Variants in DMD observed in about 807,000 individuals in gnomAD.
The protein encoded by DMD is mutant dystrophin.
DMD carries 63 observed loss-of-function variants against 330.1 expected under a neutral mutation model. The observed-to-expected ratio is 0.19, with a 90% CI of 0.16 to 0.24. The LOEUF is 0.24. DMD is among the 10% of genes least tolerant of loss of function. The pLI, the probability that DMD is intolerant of heterozygous loss-of-function variation, is 1.00. For missense variants in DMD, 3,344 were observed against 2,684.1 expected (o/e 1.25, Z -5.43); for synonymous variants, 1,223 against 959.8 (o/e 1.27, Z -5.07).
chrX:32,553,397 G>C (rs780998961), intron 16 of DMD, among the ~76,000 whole-genome samples: 1 of 110,269 alleles, frequency 9.1e-6, no homozygotes, highest in African/African-American at 3.3e-5. Context: ...CAACAGACAC[G>C]GTGGTCTATG....
chrX:31,942,838 T>C (rs941923465), intron 45 of DMD, among the ~76,000 whole-genome samples: 2 of 112,208 alleles, frequency 1.8e-5, no homozygotes, highest in African/African-American at 6.5e-5. Flanking sequence ...AGTTCCTATA[T>C]TAATAATCTC....
intron 51 of DMD, among the ~76,000 whole-genome samples, chrX:31,770,991 A>C (rs1250115759): frequency 8.9e-6 from 1 of 112,118 alleles, no homozygotes; most frequent in African/African-American, 3.2e-5. Flanking sequence ...AGTTGGTTAA[A>C]ATAATAAAAA....
At chrX:32,205,408 T>C (rs1260658555) in intron 44 of DMD, among the ~76,000 whole-genome samples, 1 of 108,929 alleles carries the variant, frequency 9.2e-6, no homozygotes, top group East Asian at 2.9e-4. Flanking sequence ...CTCTCCCTTA[T>C]TTTCATATCG....
At chrX:33,285,597 G>C (rs901197096) in intron 1 of DMD, among the ~76,000 whole-genome samples, 1 of 111,623 alleles carries the variant, frequency 9.0e-6, no homozygotes, top group African/African-American at 3.3e-5. Flanking sequence ...CTTCTCTGGC[G>C]ACTATCACCC....
chrX:32,212,724 T>G (rs1246271243), intron 44 of DMD, among the ~76,000 whole-genome samples: 1 of 111,867 alleles, frequency 8.9e-6, no homozygotes, highest in East Asian at 2.8e-4. Context: ...GCTGATATCA[T>G]TCAACGAATT....
intron 28 of DMD, among the ~76,000 whole-genome samples, chrX:32,438,703 C>T (rs2098270518): frequency 8.9e-6 from 1 of 111,972 alleles, no homozygotes; most frequent in African/African-American, 3.2e-5. Context: ...CTCAACTTCT[C>T]TGATAGCTAG....
chrX:31,778,559 C>A (rs1240858167), intron 50 of DMD, among the ~76,000 whole-genome samples: 1 of 96,263 alleles, frequency 1.0e-5, no homozygotes, highest in Non-Finnish European at 2.0e-5. Flanking sequence ...GTTTTGAAGT[C>A]CTGAAATTTT....
chrX:32,356,515 C>T (rs2097801405), intron 37 of DMD, among the ~76,000 whole-genome samples: 1 of 109,975 alleles, frequency 9.1e-6, no homozygotes, highest in Non-Finnish European at 1.9e-5. Flanking sequence ...ATAGAAACTG[C>T]TACATGAATT....
At chrX:31,263,057 T>TAC (rs1380375969) in intron 62 of DMD, among the ~76,000 whole-genome samples, 2 of 112,512 alleles carry the variant, frequency 1.8e-5, no homozygotes, top group Non-Finnish European at 3.8e-5. Flanking sequence ...TGCCCACATG[T>TAC]ACAAGGGCTC....
At chrX:32,762,944 C>A (rs2072510076) in intron 7 of DMD, among the ~76,000 whole-genome samples, 1 of 111,878 alleles carries the variant, frequency 8.9e-6, no homozygotes, top group South Asian at 3.8e-4. Flanking sequence ...GATGGAGTGT[C>A]AGTGGTGCTT....
At chrX:32,447,021 T>A (rs924864249) in intron 27 of DMD, among the ~76,000 whole-genome samples, 1 of 110,806 alleles carries the variant, frequency 9.0e-6, no homozygotes, top group African/African-American at 3.3e-5. Context: ...TGTACTCCAA[T>A]ATAAATTTCT....
At chrX:32,269,459 C>T (rs1019122798) in intron 43 of DMD, among the ~76,000 whole-genome samples, 1 of 112,053 alleles carries the variant, frequency 8.9e-6, no homozygotes, top group Non-Finnish European at 1.9e-5. Flanking sequence ...CCTGCTCTAA[C>T]ACTTGCCTCA....
chrX:32,520,267 C>T (rs935424874), intron 17 of DMD, among the ~76,000 whole-genome samples: 1 of 111,990 alleles, frequency 8.9e-6, no homozygotes, highest in Non-Finnish European at 1.9e-5. Flanking sequence ...CTGTAAAAAT[C>T]TTTCACACTC....
rs771668752 is a variant in DMD at position 31,407,188 on chromosome X, G to T, written c.9084+37293C>A. ...ATTTTATTTCATTTTATTTGAGACA[G>T]AGTTTCGTTCTTGTTGCCCAGGCTG... is the stretch of plus-strand genomic sequence containing the variant. On this transcript the variant is annotated intron_variant, in intron 60 of 78. Transcript: ENST00000357033. Among the ~76,000 whole-genome samples, 3 of 111,915 alleles carry T rather than the reference G, an allele frequency of 2.7e-5. No individual in the cohort carries two copies. In the South Asian group the frequency reaches 1.1e-3, roughly 42 times the overall value.
intron 1 of DMD, among the ~76,000 whole-genome samples, chrX:33,234,698 T>C (rs941986051): frequency 1.1e-4 from 12 of 112,055 alleles, no homozygotes; most frequent in African/African-American, 3.6e-4. Context: ...TATAATTTTA[T>C]CATCTACGTG....
intron 59 of DMD, among the ~76,000 whole-genome samples, chrX:31,446,475 CAA>C (rs11316166): frequency 1.9e-5 from 2 of 106,200 alleles, no homozygotes; most frequent in African/African-American, 3.4e-5. Context: ...CATACACATG[CAA>C]AAAAAAAATC....
intron 11 of DMD, among the ~76,000 whole-genome samples, chrX:32,623,270 G>A (rs2058116811): frequency 9.0e-6 from 1 of 111,652 alleles, no homozygotes; most frequent in Admixed American, 9.5e-5. Flanking sequence ...GAAGTGAGTA[G>A]TGGTCCATTG....
At chrX:33,027,445 A>T (rs2094025202) in intron 1 of DMD, among the ~76,000 whole-genome samples, 1 of 112,583 alleles carries the variant, frequency 8.9e-6, no homozygotes, top group African/African-American at 3.2e-5. Context: ...TGGATTTCTG[A>T]CCTGCAGAAC....
At chrX:33,153,066 T>G (rs1159988150) in intron 1 of DMD, among the ~76,000 whole-genome samples, 1 of 112,623 alleles carries the variant, frequency 8.9e-6, no homozygotes, top group Non-Finnish European at 1.9e-5. Flanking sequence ...TGATTCAGAC[T>G]TAAACTTTTG....
Sources: gnomAD v4.1 joint callset for allele counts (sites outside exome capture counted in the v4.1 genomes callset) on GRCh38, gnomAD v4.1.1 for gene constraint, MANE v1.5 for transcripts, NCBI Gene and HGNC (gene_info 2026-07-23, HGNC 2026-07-21) for gene names.